Variants in NBAS observed in about 807,000 individuals in gnomAD.
NBAS encodes the protein NBAS subunit of NRZ tethering complex, also known as NAG/BC035112 fusion.
In NBAS, 219 loss-of-function variants were observed where a neutral mutation model predicts 302.5. The ratio of observed to expected loss-of-function variants is 0.72; its 90% CI spans 0.65 to 0.81. The LOEUF is 0.81. NBAS is among the 30% of genes least tolerant of loss of function. The pLI is 0.00. For missense variants in NBAS, 2,932 were observed against 2,841.6 expected (o/e 1.03, Z -0.72); for synonymous variants, 1,118 against 1,021.6 (o/e 1.09, Z -1.80).
the NBAS span, among the ~76,000 whole-genome samples, chr2:15,009,745 G>T: frequency 2.7e-5 from 4 of 148,134 alleles, no homozygotes; most frequent in East Asian, 7.8e-4. Context: ...GTGTGTGCAT[G>T]CATGTGTGTA....
intron 10 of NBAS, among the ~76,000 whole-genome samples, chr2:15,506,789 A>G (rs1255994389): frequency 1.3e-5 from 2 of 152,206 alleles, no homozygotes; most frequent in African/African-American, 4.8e-5. Flanking sequence ...TGCAGAAACA[A>G]AACAACAAAA....
At chr2:15,279,453 C>T (rs1220408927) in intron 42 of NBAS, among the ~76,000 whole-genome samples, 1 of 152,138 alleles carries the variant, frequency 6.6e-6, no homozygotes, top group Non-Finnish European at 1.5e-5. Context: ...TCTCTCCCAG[C>T]AGCAATAATC....
intron 3 of NBAS, 103 bp downstream of exon 3, chr2:15,556,680 C>T (rs910187241): frequency 1.6e-5 from 18 of 1,153,984 alleles, no homozygotes; most frequent in Non-Finnish European, 2.2e-5. Context: ...ATGTCAGCAA[C>T]TTTATCATGA....
intron 25 of NBAS, among the ~76,000 whole-genome samples, chr2:15,413,755 G>A (rs905501172): frequency 6.6e-5 from 10 of 152,122 alleles, no homozygotes; most frequent in South Asian, 2.1e-4. Context: ...AAAACTTTCC[G>A]CAGATCATGA....
chr2:15,387,235 T>G (rs1173275940), intron 28 of NBAS, among the ~76,000 whole-genome samples: 1 of 152,004 alleles, frequency 6.6e-6, no homozygotes, highest in Non-Finnish European at 1.5e-5. Flanking sequence ...GCCTGGCTAA[T>G]TTTTTGTATT....
At chr2:15,375,640 CTTTT>C (rs1447006736) in intron 30 of NBAS, among the ~76,000 whole-genome samples, 3 of 152,066 alleles carry the variant, frequency 2.0e-5, no homozygotes, top group Admixed American at 6.6e-5. Flanking sequence ...TGTAAATGTA[CTTTT>C]TTACATTTTT....
At chr2:14,901,762 T>G in the NBAS span, among the ~76,000 whole-genome samples, 35,934 of 152,104 alleles carry the variant, frequency 0.24, 4,416 homozygotes, top group Non-Finnish European at 0.27. Flanking sequence ...CCCTCACAAG[T>G]TTCATCTCTA....
chr2:14,810,795 C>T, the NBAS span, among the ~76,000 whole-genome samples: 8 of 152,244 alleles, frequency 5.3e-5, 1 homozygote, highest in South Asian at 2.1e-4. Context: ...TGATAAGTAA[C>T]ATCTATTAGC....
intron 38 of NBAS, among the ~76,000 whole-genome samples, chr2:15,319,447 A>G (rs1482920513): frequency 6.7e-6 from 1 of 149,234 alleles, no homozygotes; most frequent in Non-Finnish European, 1.5e-5. Context: ...CAAAAAATCA[A>G]TGAATCCAGG....
intron 15 of NBAS, 142 bp from the exon 16 acceptor site, chr2:15,473,489 A>C: frequency 1.1e-4 from 117 of 1,088,022 alleles, no homozygotes; most frequent in Middle Eastern, 2.1e-4. Flanking sequence ...CCAGAAGCTC[A>C]CAGATATTTT....
chr2:15,287,484 G>A (rs1670099024), intron 41 of NBAS, among the ~76,000 whole-genome samples: 1 of 152,174 alleles, frequency 6.6e-6, no homozygotes, highest in African/African-American at 2.4e-5. Context: ...ATAAAAAGTG[G>A]GGCAAGGGGC....
chr2:14,846,293 C>A, the NBAS span, among the ~76,000 whole-genome samples: 1 of 151,736 alleles, frequency 6.6e-6, no homozygotes, highest in African/African-American at 2.4e-5. Context: ...TTATAGAAAA[C>A]CTATTATATA....
rs35760010 is a variant in NBAS at position 15,199,896 on chromosome 2, A to ATT, written c.6433-9495_6433-9494dup. The stretch of plus-strand genomic sequence containing the variant: ...CCAAACATTAAAAACAGAAAGCTGG[A>ATT]TTTTTTTTTTTTTTTTTTTTTTTGA... On this transcript the variant is annotated intron_variant, in intron 48 of 51. Transcript: ENST00000281513. Among the ~76,000 whole-genome samples, 889 of 121,346 alleles carry ATT rather than the reference A, an allele frequency of 7.3e-3. 5 individuals are homozygous for ATT. The highest frequency in any genetic ancestry group is 0.019 in the African/African-American group (606 of 31,192). 79.6% of individuals were successfully genotyped at this position (121,346 alleles called of 152,430 possible). A position where few individuals can be genotyped will look rare whatever the true frequency, so the allele number is the denominator to read the frequency against.
chr2:15,190,617 T>C (rs1665307653), intron 48 of NBAS, among the ~76,000 whole-genome samples: 1 of 152,242 alleles, frequency 6.6e-6, no homozygotes, highest in Non-Finnish European at 1.5e-5. Flanking sequence ...AGGAAGGTTC[T>C]AATTAACTTT....
At chr2:15,313,667 T>A (rs1671378054) in intron 38 of NBAS, among the ~76,000 whole-genome samples, 1 of 152,244 alleles carries the variant, frequency 6.6e-6, no homozygotes, top group African/African-American at 2.4e-5. Context: ...GCCATGTGGT[T>A]TTTAAATTCT....
the NBAS span, among the ~76,000 whole-genome samples, chr2:14,907,870 A>ACTTATCTGCTCT: frequency 3.9e-5 from 6 of 152,222 alleles, no homozygotes; most frequent in Non-Finnish European, 7.3e-5. Flanking sequence ...TCTGTACCCG[A>ACTTATCTGCTCT]ACCCACTTAT....
At chr2:14,918,026 T>A in the NBAS span, among the ~76,000 whole-genome samples, 1 of 152,130 alleles carries the variant, frequency 6.6e-6, no homozygotes, top group African/African-American at 2.4e-5. Context: ...AGCATCCAAG[T>A]TCCAGCCCCT....
the NBAS span, among the ~76,000 whole-genome samples, chr2:15,039,003 G>C: frequency 2.6e-5 from 4 of 152,168 alleles, no homozygotes; most frequent in Non-Finnish European, 5.9e-5. Flanking sequence ...CATGGTCCTA[G>C]TTCCACCAAA....
chr2:15,222,304 G>T (rs1033715439), intron 47 of NBAS, among the ~76,000 whole-genome samples: 1 of 152,102 alleles, frequency 6.6e-6, no homozygotes, highest in Admixed American at 6.6e-5. Context: ...TCTAATTCAG[G>T]AAGAAAGTAA....
Sources: allele counts gnomAD v4.1 joint callset (sites outside exome capture counted in the v4.1 genomes callset), GRCh38; gene constraint gnomAD v4.1.1; transcripts MANE v1.5; gene names NCBI Gene and HGNC (gene_info 2026-07-23, HGNC 2026-07-21).